Variants in HNF4A observed in about 807,000 individuals in gnomAD.
HNF4A encodes hepatocyte nuclear factor 4 alpha.
Under a neutral mutation model 52.4 loss-of-function variants are expected in HNF4A, and 15 were observed. That is an observed-to-expected ratio of 0.29 (90% CI 0.19 to 0.44). The LOEUF is 0.44. HNF4A is among the 20% of genes least tolerant of loss of function. HNF4A has a pLI of 1.00. For synonymous variants in HNF4A, 280 were observed against 264.4 expected, an observed-to-expected ratio of 1.06 and a Z score of -0.57; for missense variants, 479 against 647.2, an observed-to-expected ratio of 0.74 and a Z score of 2.82.
intron 8 of HNF4A, 86 bp downstream of exon 8, chr20:44,424,340 C>T (rs2063789677): frequency 1.9e-6 from 3 of 1,573,894 alleles, no homozygotes; most frequent in Non-Finnish European, 2.6e-6. Context: ...CCCTCAGCTC[C>T]TTGGCTTCCC....
chr20:44,397,356 T>C (rs2063362261), upstream of HNF4A, among the ~76,000 whole-genome samples: 1 of 152,214 alleles, frequency 6.6e-6, no homozygotes, highest in Non-Finnish European at 1.5e-5. Flanking sequence ...CTTTTTATAA[T>C]TGATACATAA....
chr20:44,400,460 C>T (rs954450429), upstream of HNF4A, among the ~76,000 whole-genome samples: 4 of 151,904 alleles, frequency 2.6e-5, no homozygotes, highest in African/African-American at 9.7e-5. Flanking sequence ...GAAAAGGAAA[C>T]TGAGGCTCGG....
chr20:44,360,152 T>C lies in HNF4A; in HGVS notation c.49+4299T>C, dbSNP rs538823969. Reference sequence around the variant, plus strand: ...GGGCCTGATCCCATGTAGACCTTGATTGAAGATTAATTAAGTGGATGAATG... The same window carrying C: ...GGGCCTGATCCCATGTAGACCTTGACTGAAGATTAATTAAGTGGATGAATG... On this transcript the variant is annotated intron_variant, in intron 1 of 9. Coordinates refer to the HNF4A transcript ENST00000316673. Among the ~76,000 whole-genome samples, 8 of 152,298 alleles carry C rather than the reference T, an allele frequency of 5.3e-5. No homozygotes were observed. In the East Asian group the frequency reaches 1.3e-3, roughly 26 times the overall value.
intron 1 of HNF4A, among the ~76,000 whole-genome samples, chr20:44,387,236 C>T (rs1034524309): frequency 2.1e-5 from 3 of 144,162 alleles, no homozygotes; most frequent in South Asian, 2.2e-4. Flanking sequence ...TGCAGCAAGC[C>T]GAGATCGTGC....
At chr20:44,407,315 C>A in intron 2 of HNF4A, 66 bp from the exon 3 acceptor site, 1 of 1,190,324 alleles carries the variant, frequency 8.4e-7, no homozygotes, top group Non-Finnish European at 1.2e-6. Flanking sequence ...ATAGCCAGGG[C>A]CCTAGTTCTG....
At chr20:44,410,618 T>A (rs1030873736) in intron 3 of HNF4A, among the ~76,000 whole-genome samples, 1 of 151,938 alleles carries the variant, frequency 6.6e-6, no homozygotes, top group East Asian at 1.9e-4. Flanking sequence ...ATTTGAGGAC[T>A]GAAACCCTAA....
intron 1 of HNF4A, among the ~76,000 whole-genome samples, chr20:44,387,722 A>G (rs1165056132): frequency 1.9e-5 from 1 of 53,002 alleles, no homozygotes; most frequent in Non-Finnish European, 5.2e-5. Flanking sequence ...TGGCAGGTTT[A>G]AAAAAAAAAA....
At chr20:44,383,583 A>G (rs182214403) in intron 1 of HNF4A, among the ~76,000 whole-genome samples, 2 of 147,698 alleles carry the variant, frequency 1.4e-5, no homozygotes, top group African/African-American at 5.0e-5. Flanking sequence ...CGGAGTCTCA[A>G]CTCTCTCCCC....
intron 1 of HNF4A, among the ~76,000 whole-genome samples, chr20:44,402,088 T>C (rs2063417707): frequency 1.3e-5 from 2 of 152,082 alleles, no homozygotes; most frequent in African/African-American, 2.4e-5. Flanking sequence ...ATGTAGGTTG[T>C]ATGGGTGGGG....
chr20:44,425,716 G>A (rs1326275805), intron 8 of HNF4A, among the ~76,000 whole-genome samples: 2 of 143,314 alleles, frequency 1.4e-5, no homozygotes, highest in Admixed American at 1.5e-4. Flanking sequence ...GTGCAGTGGC[G>A]CAATCATAGT....
chr20:44,384,612 A>G lies in HNF4A; in HGVS notation c.50-21446A>G, dbSNP rs1269004255. 2.0e-5 allele frequency: 3 copies of G among 152,218 alleles called. No homozygotes were observed. In the East Asian group the frequency reaches 5.8e-4, roughly 29 times the overall value. 9.4% of individuals were successfully genotyped at this position (152,218 alleles called of 1,614,324 possible). On this transcript the variant is annotated intron_variant, in intron 1 of 9. Coordinates refer to the HNF4A transcript ENST00000316673. The stretch of plus-strand genomic sequence containing the variant: ...TACTTGCTTCCCCAACAAGGGCAGC[A>G]CTGGCCTTTAAAGCTTCTGCCCAGG...
chr20:44,405,312 C>T (rs2063485787), intron 1 of HNF4A, among the ~76,000 whole-genome samples: 1 of 145,992 alleles, frequency 6.8e-6, no homozygotes, highest in Admixed American at 6.8e-5. Context: ...GGAAACAGAC[C>T]AGTCAAACTG....
At chr20:44,413,846 A>G (rs770503108) in intron 4 of HNF4A, 46 bp downstream of exon 4, 1 of 1,303,024 alleles carries the variant, frequency 7.7e-7, no homozygotes, top group Non-Finnish European at 1.1e-6. Context: ...CCCACACTAC[A>G]GAGGAGCTCA....
In HNF4A at chr20:44,430,779, G is replaced by A. The variant is rs1012306178; in HGVS notation, c.*1114G>A. 2 of 152,748 alleles carry A rather than the reference G, an allele frequency of 1.3e-5. No homozygotes were observed. Among genetic ancestry groups the A allele is most frequent in the Non-Finnish European group, 2.9e-5 (2 of 68,378 alleles). 9.5% of individuals were successfully genotyped at this position (152,748 alleles called of 1,614,324 possible). On this transcript the variant is annotated 3_prime_UTR_variant, in exon 10 of 10. Transcript: ENST00000316099. The stretch of plus-strand genomic sequence containing the variant: ...GAGGCTGGAAGCTGGGAGGTCAGGT[G>A]GGGTGGATGATATAATGCGGGTGAG...
At chr20:44,407,333 A>T in intron 2 of HNF4A, 48 bp from the exon 3 acceptor site, 1 of 1,386,406 alleles carries the variant, frequency 7.2e-7, no homozygotes, top group East Asian at 2.4e-5. Flanking sequence ...CTGTCCTAAG[A>T]GGAGGAAGTT....
chr20:44,374,792 G>A (rs1242670527), intron 1 of HNF4A, among the ~76,000 whole-genome samples: 1 of 152,180 alleles, frequency 6.6e-6, no homozygotes, highest in Non-Finnish European at 1.5e-5. Context: ...ATAGTGCTGT[G>A]TAGAACATAT....
chr20:44,396,944 C>T (rs1360918074), upstream of HNF4A, among the ~76,000 whole-genome samples: 1 of 152,146 alleles, frequency 6.6e-6, no homozygotes, highest in African/African-American at 2.4e-5. Context: ...GGCTAAGAAG[C>T]TTATCTACTC....
chr20:44,433,348 T>C (rs2146505795), downstream of HNF4A: 1 of 157,830 alleles, frequency 6.3e-6, no homozygotes, highest in Non-Finnish European at 1.4e-5. Flanking sequence ...TAAAAGCAAG[T>C]GGTTTTTTTG....
intron 8 of HNF4A, among the ~76,000 whole-genome samples, chr20:44,424,859 G>A (rs1230060428): frequency 2.0e-5 from 3 of 152,238 alleles, no homozygotes; most frequent in Non-Finnish European, 2.9e-5. Context: ...GATGGAGGAC[G>A]TGTAGGAGGT....
Sources: allele counts gnomAD v4.1 joint callset (sites outside exome capture counted in the v4.1 genomes callset), GRCh38; gene constraint gnomAD v4.1.1; transcripts MANE v1.5; gene names NCBI Gene and HGNC (gene_info 2026-07-23, HGNC 2026-07-21).